Variants in PDE8B observed in about 807,000 individuals in gnomAD.
PDE8B encodes high affinity cAMP-specific and IBMX-insensitive 3',5'-cyclic phosphodiesterase 8B.
Under a neutral mutation model 101.3 loss-of-function variants are expected in PDE8B, and 26 were observed. The observed-to-expected ratio is 0.26, with a 90% CI of 0.19 to 0.36. PDE8B has a LOEUF of 0.36. Ranked by LOEUF, PDE8B falls within the 10% of genes least tolerant of loss-of-function variation. The pLI is 1.00. For missense variants in PDE8B, 810 were observed against 1,163.1 expected (o/e 0.70, Z 4.42); for synonymous variants, 424 against 429.3 (o/e 0.99, Z 0.15).
At chr5:77,140,324 G>T in the PDE8B span, 1 of 152,052 alleles carries the variant, frequency 6.6e-6, no homozygotes, top group Non-Finnish European at 1.5e-5. Context: ...CAGGAACTCA[G>T]ATTTTGCAAA....
intron 6 of PDE8B, among the ~76,000 whole-genome samples, chr5:77,343,261 G>A (rs1487105977): frequency 6.6e-6 from 1 of 152,164 alleles, no homozygotes; most frequent in East Asian, 1.9e-4. Flanking sequence ...ATTTAATGAT[G>A]GGGATATGTT....
the PDE8B span, among the ~76,000 whole-genome samples, chr5:77,123,952 A>G: frequency 6.6e-6 from 1 of 152,228 alleles, no homozygotes; most frequent in Non-Finnish European, 1.5e-5. Flanking sequence ...CACGACATTC[A>G]GTAAAAATCC....
chr5:77,404,842 A>G (rs765487673), intron 12 of PDE8B, 45 bp downstream of exon 12: 8 of 1,225,916 alleles, frequency 6.5e-6, no homozygotes, highest in Non-Finnish European at 9.7e-6. Context: ...AAATGTAGAA[A>G]ATGATGGAAG....
intron 1 of PDE8B, among the ~76,000 whole-genome samples, chr5:77,299,665 T>A (rs948535977): frequency 6.6e-6 from 1 of 152,012 alleles, no homozygotes; most frequent in African/African-American, 2.4e-5. Context: ...CTTAATCCAG[T>A]CTATCGTTGT....
intron 1 of PDE8B, among the ~76,000 whole-genome samples, chr5:77,254,484 AGTCATTGT>A (rs1758704084): frequency 6.6e-6 from 1 of 152,128 alleles, no homozygotes; most frequent in Non-Finnish European, 1.5e-5. Context: ...TCTTTTCTCT[AGTCATTGT>A]GTCGTTACCA....
At chr5:77,247,109 G>C (rs1415733513) in intron 1 of PDE8B, among the ~76,000 whole-genome samples, 1 of 152,166 alleles carries the variant, frequency 6.6e-6, no homozygotes, top group Non-Finnish European at 1.5e-5. Context: ...GTTTCCTCTA[G>C]GCTTCATACA....
the PDE8B span, among the ~76,000 whole-genome samples, chr5:77,170,616 C>T: frequency 4.6e-5 from 7 of 152,264 alleles, no homozygotes; most frequent in East Asian, 9.6e-4. Flanking sequence ...ACTAAATCAT[C>T]GTTATGAGTT....
At chr5:77,409,616 C>T (rs1794147972) in intron 14 of PDE8B, among the ~76,000 whole-genome samples, 1 of 152,114 alleles carries the variant, frequency 6.6e-6, no homozygotes. Flanking sequence ...GAACCATTTA[C>T]ACCACCAAGA....
intron 10 of PDE8B, among the ~76,000 whole-genome samples, chr5:77,380,019 A>G (rs1787149981): frequency 6.6e-6 from 1 of 152,236 alleles, no homozygotes; most frequent in Admixed American, 6.5e-5. Flanking sequence ...TTCAGTCTTA[A>G]AAGTGCTTAA....
chr5:77,301,636 G>A (rs10066802), intron 1 of PDE8B, among the ~76,000 whole-genome samples: 59,782 of 152,060 alleles, frequency 0.39, 12,363 homozygotes, highest in East Asian at 0.58. Context: ...ATTATCAGTG[G>A]TATCTCTAAT....
At chr5:77,366,678 G>C (rs1035957497) in intron 10 of PDE8B, among the ~76,000 whole-genome samples, 2 of 152,204 alleles carry the variant, frequency 1.3e-5, no homozygotes, top group Non-Finnish European at 2.9e-5. Context: ...GCTCCATGAG[G>C]CCAGAGCGGG....
At chr5:77,423,788 T>C (rs1002788344) in intron 20 of PDE8B, among the ~76,000 whole-genome samples, 6 of 151,652 alleles carry the variant, frequency 4.0e-5, no homozygotes, top group Non-Finnish European at 8.8e-5. Context: ...AGGTGCACAC[T>C]GCCATGCCCG....
At chr5:77,134,573 T>A in the PDE8B span, 1 of 152,200 alleles carries the variant, frequency 6.6e-6, no homozygotes, top group Non-Finnish European at 1.5e-5. Flanking sequence ...TTGACTTCCA[T>A]CAGCAGAAAG....
intron 1 of PDE8B, among the ~76,000 whole-genome samples, chr5:77,298,852 A>G (rs1467594324): frequency 6.6e-6 from 1 of 152,192 alleles, no homozygotes; most frequent in East Asian, 1.9e-4. Flanking sequence ...GTGGATGCCT[A>G]CCTCCACCAG....
chr5:77,394,352 A>T (rs956103439), intron 10 of PDE8B, among the ~76,000 whole-genome samples: 1 of 152,108 alleles, frequency 6.6e-6, no homozygotes. Flanking sequence ...GCTCATGAGT[A>T]TCTCCTCCTC....
At chr5:77,300,187 C>A (rs1188699492) in intron 1 of PDE8B, among the ~76,000 whole-genome samples, 3 of 152,174 alleles carry the variant, frequency 2.0e-5, no homozygotes, top group Admixed American at 6.5e-5. Context: ...AGCAAGAATA[C>A]AAGGGAGCCC....
chr5:77,298,680 A>G (rs1478086075), intron 1 of PDE8B, among the ~76,000 whole-genome samples: 1 of 152,210 alleles, frequency 6.6e-6, no homozygotes, highest in Non-Finnish European at 1.5e-5. Flanking sequence ...CCAGGGCTGT[A>G]TTTTAGCCAT....
chr5:77,153,966 G>C, the PDE8B span, among the ~76,000 whole-genome samples: 1 of 152,174 alleles, frequency 6.6e-6, no homozygotes, highest in Admixed American at 6.5e-5. Flanking sequence ...GGGTGGATTT[G>C]ACTTGATAAA....
intron 1 of PDE8B, among the ~76,000 whole-genome samples, chr5:77,288,839 C>CTTT (rs55906951): frequency 3.8e-4 from 49 of 128,334 alleles, no homozygotes; most frequent in East Asian, 6.9e-4. Context: ...CTGCCCCCAT[C>CTTT]TTTTTTTTTT....
Sources: gnomAD v4.1 joint callset for allele counts (sites outside exome capture counted in the v4.1 genomes callset) on GRCh38, gnomAD v4.1.1 for gene constraint, MANE v1.5 for transcripts, NCBI Gene and HGNC (gene_info 2026-07-23, HGNC 2026-07-21) for gene names.